RGS5: variants seen among roughly 807,000 people sequenced by gnomAD.
RGS5 encodes the protein regulator of G-protein signalling 5.
RGS5 carries 20 observed loss-of-function variants against 18.9 expected under a neutral mutation model. The ratio of observed to expected loss-of-function variants is 1.06; its 90% CI spans 0.74 to 1.54. RGS5 has a LOEUF of 1.54. RGS5 is among the 40% of genes most tolerant of loss of function. The pLI is 0.00. For synonymous variants in RGS5, 57 were observed against 76.2 expected (o/e 0.75, Z 1.31); for missense variants, 201 against 211.8 (o/e 0.95, Z 0.32).
chr1:163,303,761 C>T (rs763594849), intron 2 of RGS5, among the ~76,000 whole-genome samples: 1 of 152,182 alleles, frequency 6.6e-6, no homozygotes, highest in Non-Finnish European at 1.5e-5. Flanking sequence ...TGAGCATTAC[C>T]ACCTGCCTGA....
At position 163,255,433 on chromosome 1, in the gene RGS5, T is replaced by G. The variant is rs182989707; in HGVS notation, c.-281+50800A>C. Among the ~76,000 whole-genome samples, 1,134 of 152,236 alleles carry G rather than the reference T, an allele frequency of 7.4e-3. 16 individuals are homozygous for G. Among genetic ancestry groups the G allele is most frequent in the African/African-American group, 0.026 (1,062 of 41,532 alleles). On this transcript the variant is annotated intron_variant, in intron 2 of 5. Transcript: ENST00000618415. ...CAGGAAGAAGTTGACTCTCTGAATA[T>G]ACCAATAACAGGCTCTGAAATAGTG...
intron 2 of RGS5, among the ~76,000 whole-genome samples, chr1:163,263,771 G>A (rs890374360): frequency 2.6e-5 from 4 of 151,754 alleles, no homozygotes; most frequent in South Asian, 4.2e-4. Flanking sequence ...CAGTACTTTT[G>A]TCTTTGAGAG....
Position 163,202,881 on chromosome 1 carries a change from C to T in RGS5, c.-46G>A. The T allele has an allele frequency of 3.8e-6, 6 of 1,584,804 alleles. No homozygotes were observed. The highest frequency in any genetic ancestry group is 5.2e-6 in the Non-Finnish European group (6 of 1,154,518). On this transcript the variant is annotated 5_prime_UTR_variant, in exon 1 of 5. Transcript: ENST00000313961. ...CTCCGCTTTAAGTACAACTTCTTAA[C>T]AGCAGAGCCAGTCTTTGAAAACTTC...
At chr1:163,147,579 T>G in intron 4 of RGS5, 76 bp from the exon 5 acceptor site, 1 of 1,280,980 alleles carries the variant, frequency 7.8e-7, no homozygotes, top group Non-Finnish European at 1.0e-6. Flanking sequence ...GGAGGTGGAA[T>G]TTCTCATCAA....
intron 1 of RGS5, among the ~76,000 whole-genome samples, chr1:163,316,582 T>C (rs927863734): frequency 1.2e-5 from 1 of 84,864 alleles, no homozygotes; most frequent in African/African-American, 4.3e-5. Flanking sequence ...AGACCCTATC[T>C]CAAAAAAAAA....
intron 2 of RGS5, among the ~76,000 whole-genome samples, chr1:163,247,601 T>TAC (rs3069037): frequency 6.6e-6 from 1 of 150,932 alleles, no homozygotes; most frequent in Admixed American, 6.6e-5. Context: ...TATATATATA[T>TAC]GTATACGTAT....
intron 2 of RGS5, chr1:163,244,477 G>C (rs1647877671): frequency 6.6e-6 from 1 of 152,166 alleles, no homozygotes; most frequent in Non-Finnish European, 1.5e-5. Context: ...TAGCTTCTAT[G>C]ACTCGTGAAG....
At chr1:163,232,483 T>C (rs79494113) in intron 2 of RGS5, among the ~76,000 whole-genome samples, 7,496 of 152,240 alleles carry the variant, frequency 0.049, 221 homozygotes, top group South Asian at 0.093. Context: ...GAAGTTTGCA[T>C]ATATATTACT....
At position 163,217,543 on chromosome 1, in the gene RGS5, C is replaced by T. The variant is rs762671013; in HGVS notation, c.52G>A (p.Ala18Thr). 5.2e-6 allele frequency: 8 copies of T among 1,544,694 alleles called. No homozygotes were observed. The Admixed American group carries it at 1.0e-4, about 20-fold the overall frequency. Residue 18 changes from alanine (A) to threonine (T), a missense_variant, in exon 1 of 6, where the codon GCT (alanine) becomes ACT (threonine). Coordinates refer to the RGS5 transcript ENST00000367903. The stretch of plus-strand genomic sequence containing the variant: ...GTACATACATTGATATGCCAATGAG[C>T]ACTGTGCATCTGTAAGATGAGAATA...
At chr1:163,261,317 C>A (rs547048301) in intron 2 of RGS5, among the ~76,000 whole-genome samples, 8 of 152,236 alleles carry the variant, frequency 5.3e-5, no homozygotes, top group South Asian at 2.1e-4. Context: ...GTTTTCTCTA[C>A]CCCTTCCTGC....
intron 2 of RGS5, among the ~76,000 whole-genome samples, chr1:163,225,499 G>A (rs1457905712): frequency 1.3e-5 from 2 of 152,028 alleles, no homozygotes; most frequent in African/African-American, 2.4e-5. Context: ...CTTTTTTAGG[G>A]CTCTCTAACC....
rs557100633 is a variant in RGS5, at chr1:163,166,701, G to A, written c.155+1557C>T. On this transcript the variant is annotated intron_variant, in intron 2 of 4. Transcript: ENST00000313961. ...AATTTAGGCTTCTGGAGGAAGAAAG[G>A]GGATGGAAGACAAGAGAAGTAAATA... 2.0e-5 allele frequency among the ~76,000 whole-genome samples: 3 copies of A among 152,306 alleles called. No individual in the cohort carries two copies. In the East Asian group the frequency reaches 5.8e-4, roughly 29 times the overall value.
intron 2 of RGS5, among the ~76,000 whole-genome samples, chr1:163,258,645 CTGTGTGTGTGTGTGTGTGTG>C (rs113301415): frequency 6.7e-6 from 1 of 148,290 alleles, no homozygotes; most frequent in African/African-American, 2.5e-5. Flanking sequence ...GTAAGTGTGT[CTGTGTGTGTGTGTGTGTGTG>C]TGTGTGTGTA....
intron 2 of RGS5, among the ~76,000 whole-genome samples, chr1:163,246,190 C>T (rs1647930214): frequency 6.6e-6 from 1 of 150,660 alleles, no homozygotes; most frequent in African/African-American, 2.4e-5. Flanking sequence ...CACTGCACTC[C>T]AGCCTGGGCG....
chr1:163,303,153 T>C (rs1205264521), intron 2 of RGS5, among the ~76,000 whole-genome samples: 3 of 152,212 alleles, frequency 2.0e-5, no homozygotes, highest in African/African-American at 4.8e-5. Context: ...CTTTTACATA[T>C]TCAAATATTA....
chr1:163,149,995 AG>A (rs1657309898), intron 4 of RGS5, among the ~76,000 whole-genome samples: 1 of 152,230 alleles, frequency 6.6e-6, no homozygotes, highest in Non-Finnish European at 1.5e-5. Context: ...CCCACATCTA[AG>A]AATGTCTGAA....
upstream of RGS5, chr1:163,203,207 T>G (rs1273733425): frequency 6.0e-6 from 1 of 167,196 alleles, no homozygotes; most frequent in Non-Finnish European, 1.3e-5. Flanking sequence ...ACAAGGAAGA[T>G]GTGAGCTTCC....
At chr1:163,220,568 C>G (rs1325122427), upstream of RGS5, among the ~76,000 whole-genome samples, 1 of 152,198 alleles carries the variant, frequency 6.6e-6, no homozygotes, top group African/African-American at 2.4e-5. Flanking sequence ...GATATTTCCA[C>G]AGGACCAATT....
chr1:163,317,013 A>G (rs1284424783), intron 1 of RGS5, among the ~76,000 whole-genome samples: 1 of 152,192 alleles, frequency 6.6e-6, no homozygotes, highest in African/African-American at 2.4e-5. Flanking sequence ...TCATTTCAAT[A>G]TAACATAAAC....
Sources: gnomAD v4.1 joint callset for allele counts (sites outside exome capture counted in the v4.1 genomes callset) on GRCh38, gnomAD v4.1.1 for gene constraint, MANE v1.5 for transcripts, NCBI Gene and HGNC (gene_info 2026-07-23, HGNC 2026-07-21) for gene names.